COL15A1: variants seen among roughly 807,000 people sequenced by gnomAD.
COL15A1 encodes collagen alpha-1(XV) chain.
In COL15A1, 111 loss-of-function variants were observed where a neutral mutation model predicts 165.9. The ratio of observed to expected loss-of-function variants is 0.67; its 90% CI spans 0.57 to 0.78. The LOEUF is 0.78. Ranked by LOEUF, COL15A1 falls within the 30% of genes least tolerant of loss-of-function variation. The probability of loss-of-function intolerance (pLI) is 0.00; values close to 1 mark genes in which losing one functional copy is unlikely to be tolerated. For synonymous variants in COL15A1, 659 were observed against 674.8 expected (o/e 0.98, Z 0.36); for missense variants, 1,745 against 1,789.7 (o/e 0.98, Z 0.45).
chr9:98,999,944 C>T (rs1838619947), intron 6 of COL15A1, among the ~76,000 whole-genome samples: 1 of 151,574 alleles, frequency 6.6e-6, no homozygotes, highest in Non-Finnish European at 1.5e-5. Context: ...AACCTCTGCC[C>T]ACTGCAACCT....
intron 39 of COL15A1, among the ~76,000 whole-genome samples, chr9:99,066,237 A>G (rs1031545501): frequency 6.6e-6 from 1 of 152,094 alleles, no homozygotes; most frequent in Non-Finnish European, 1.5e-5. Flanking sequence ...GAAAGTGTGG[A>G]AGAAATAGAC....
rs377192583 is a variant in COL15A1 at position 99,062,065 on chromosome 9, T to A, written c.3497T>A (p.Phe1166Tyr). The change falls in exon 37 of 42, where the codon TTC becomes TAC. Residue 1166 changes from phenylalanine (F) to tyrosine (Y), a missense_variant. Coordinates refer to ENST00000375001, the MANE Select transcript of COL15A1 (RefSeq NM_001855.5). ...FIYLRDSTEF[F>Y]IRVRDGWKKL... ...TACCTGAGGGACAGCACTGAGTTTT[T>A]CATTCGTGTTAGAGATGGCTGGAAA... is the stretch of plus-strand genomic sequence containing the variant. 1.2e-6 allele frequency: 2 copies of A among 1,614,034 alleles called. No individual in the cohort carries two copies. Among genetic ancestry groups the A allele is most frequent in the African/African-American group, 2.7e-5 (2 of 74,944 alleles).
chr9:99,038,797 G>C (rs77812620), intron 22 of COL15A1, 64 bp downstream of exon 22: 7 of 950,864 alleles, frequency 7.4e-6, no homozygotes, highest in Non-Finnish European at 1.2e-5. Flanking sequence ...AAACAAAGTC[G>C]GGTTACTTTG....
Position 99,022,121 on chromosome 9 carries a change from C to A in COL15A1, c.1732C>A (p.Pro578Thr). The change falls in exon 13 of 42, where the codon CCT (proline) becomes ACT (threonine). Residue 578 changes from proline to threonine, a missense_variant. Pro to Thr is a conservative substitution (Grantham distance 38, BLOSUM62 -1). Transcript: ENST00000375001. The stretch of plus-strand genomic sequence containing the variant: ...TGCTGGGGAGGAGCTTCCTGGCCCT[C>A]CTGAACCTTCTGGGCCTGTTGGACC... ...GDAGEELPGP[P>T]EPSGPVGPTA... The A allele has an allele frequency of 6.2e-7, 1 of 1,614,160 alleles. No individual in the cohort carries two copies. Among genetic ancestry groups the A allele is most frequent in the Non-Finnish European group, 8.5e-7 (1 of 1,180,004 alleles).
At chr9:98,987,416 G>A (rs567342821) in intron 4 of COL15A1, 48 bp downstream of exon 4, 24 of 1,535,352 alleles carry the variant, frequency 1.6e-5, no homozygotes, top group South Asian at 2.4e-5. Context: ...CCCAGCAGCC[G>A]CAGCCTGGGG....
intron 39 of COL15A1, 58 bp from the exon 40 acceptor site, chr9:99,066,824 C>A: frequency 2.0e-6 from 3 of 1,498,856 alleles, no homozygotes; most frequent in South Asian, 1.2e-5. Flanking sequence ...TGAGATGGTT[C>A]TGGGGGCTGG....
chr9:98,960,735 C>A (rs547414531), intron 2 of COL15A1, among the ~76,000 whole-genome samples: 31 of 152,324 alleles, frequency 2.0e-4, no homozygotes, highest in Non-Finnish European at 4.0e-4. Flanking sequence ...CGAAATAACG[C>A]CCCAAGCTCT....
chr9:99,005,330 G>A (rs2118958807), intron 9 of COL15A1, among the ~76,000 whole-genome samples: 1 of 152,232 alleles, frequency 6.6e-6, no homozygotes, highest in Non-Finnish European at 1.5e-5. Flanking sequence ...CACAGGGGGT[G>A]GGAGCCAGAA....
At chr9:99,043,480 T>C (rs1200549493) in intron 24 of COL15A1, among the ~76,000 whole-genome samples, 1 of 152,188 alleles carries the variant, frequency 6.6e-6, no homozygotes, top group Admixed American at 6.5e-5. Flanking sequence ...CCACCTTGAA[T>C]GACTGGTCCA....
intron 16 of COL15A1, among the ~76,000 whole-genome samples, chr9:99,026,986 A>C (rs536687989): frequency 2.0e-5 from 3 of 152,164 alleles, no homozygotes; most frequent in African/African-American, 7.2e-5. Flanking sequence ...CCATTAGTCT[A>C]CTTTTCCCAG....
chr9:99,046,918 A>G (rs924469800), intron 26 of COL15A1, among the ~76,000 whole-genome samples: 3 of 152,104 alleles, frequency 2.0e-5, no homozygotes, highest in Non-Finnish European at 4.4e-5. Flanking sequence ...TTACGTACTG[A>G]CCCTGTTTCA....
At position 98,963,171 on chromosome 9, in the gene COL15A1, T is replaced by C. The variant is rs904527351; in HGVS notation, c.100+18921T>C. Among the ~76,000 whole-genome samples the C allele has an allele frequency of 7.9e-5, 12 of 152,344 alleles. No individual in the cohort carries two copies. In the East Asian group the frequency reaches 2.1e-3, roughly 27 times the overall value. On this transcript the variant is annotated intron_variant, in intron 2 of 41. Transcript: ENST00000375001. ...GGAGGCAGCCTTCCACCCAGCGTGGTCCATGCTGCATAGCGTAGGCTCCTT... is the reference window on the plus strand; with the variant it reads ...GGAGGCAGCCTTCCACCCAGCGTGGCCCATGCTGCATAGCGTAGGCTCCTT...
intron 26 of COL15A1, among the ~76,000 whole-genome samples, chr9:99,045,244 T>C (rs1839474771): frequency 6.6e-6 from 1 of 152,222 alleles, no homozygotes; most frequent in African/African-American, 2.4e-5. Context: ...CTTGCAGTTA[T>C]ACCACAGAAC....
At chr9:98,988,607 A>T (rs1588503763) in intron 4 of COL15A1, among the ~76,000 whole-genome samples, 1 of 152,188 alleles carries the variant, frequency 6.6e-6, no homozygotes, top group Non-Finnish European at 1.5e-5. Context: ...CTGTTAGAGC[A>T]ATAAAATGTG....
rs535389567 is a variant in COL15A1 at position 99,058,109 on chromosome 9, C to T, written c.3337+1705C>T. The stretch of plus-strand genomic sequence containing the variant: ...CGGCTTCTCTCTGCATGCAGTTTCA[C>T]GCTTCCTCACCACAAACCACATCCT... On this transcript the variant is annotated intron_variant, in intron 35 of 41. Coordinates refer to ENST00000375001, the MANE Select transcript of COL15A1 (RefSeq NM_001855.5). Among the ~76,000 whole-genome samples, 5 of 152,336 alleles carry T rather than the reference C, an allele frequency of 3.3e-5. No individual in the cohort carries two copies. In the East Asian group the frequency reaches 5.8e-4, roughly 18 times the overall value.
chr9:99,031,039 G>A (rs1035087650), intron 16 of COL15A1, among the ~76,000 whole-genome samples: 16 of 152,158 alleles, frequency 1.1e-4, no homozygotes, highest in African/African-American at 3.1e-4. Context: ...GAGCCTAGTC[G>A]CTGTCACTTC....
intron 35 of COL15A1, among the ~76,000 whole-genome samples, chr9:99,058,972 C>T (rs576848882): frequency 6.6e-5 from 10 of 152,134 alleles, no homozygotes; most frequent in South Asian, 6.2e-4. Flanking sequence ...GAGGAGTTGT[C>T]GGGGGTAGGG....
In COL15A1 at chr9:99,003,593, T is replaced by C. The variant is rs748586868; in HGVS notation, c.1200+6T>C. ...CAGAGGAAGGGGTCACTCCAGTAAG[T>C]AGCTCAGAGCGCAAGCTCCCCTTCA... On this transcript the variant is annotated splice_donor_region_variant and intron_variant, in intron 8 of 41. Transcript: ENST00000375001. 1.3e-6 allele frequency: 2 copies of C among 1,485,744 alleles called. No individual in the cohort carries two copies. Among genetic ancestry groups the C allele is most frequent in the South Asian group, 1.4e-5 (1 of 70,856 alleles). The allele number at this position is 1,485,744 out of a possible 1,614,324, so 92.0% of individuals were successfully genotyped here.
intron 9 of COL15A1, among the ~76,000 whole-genome samples, chr9:99,007,078 A>G (rs112606431): frequency 0.013 from 1,914 of 152,314 alleles, 21 homozygotes; most frequent in African/African-American, 0.025. Flanking sequence ...GAAAAGCAGG[A>G]CAACTCAAAG....
Sources: gnomAD v4.1 joint callset for allele counts (sites outside exome capture counted in the v4.1 genomes callset) on GRCh38, gnomAD v4.1.1 for gene constraint, MANE v1.5 for transcripts, NCBI Gene and HGNC (gene_info 2026-07-23, HGNC 2026-07-21) for gene names.